The following CAST variants were observed in gnomAD, a reference collection of about 807,000 sequenced individuals.
The protein encoded by CAST is MIR583 host.
In CAST, 76 loss-of-function variants were observed where a neutral mutation model predicts 119.6. The observed-to-expected ratio is 0.64, with a 90% CI of 0.53 to 0.77. CAST has a LOEUF of 0.77. Among genes scored for constraint, CAST ranks in the 30% least tolerant of loss-of-function variants. The pLI is 0.00. For missense variants in CAST, 953 were observed against 946.5 expected, an observed-to-expected ratio of 1.01 and a Z score of -0.09; for synonymous variants, 319 against 331.6, an observed-to-expected ratio of 0.96 and a Z score of 0.41.
At chr5:96,217,347 A>C in the CAST span, among the ~76,000 whole-genome samples, 1 of 148,492 alleles carries the variant, frequency 6.7e-6, no homozygotes, top group South Asian at 2.2e-4. Flanking sequence ...GGCCAAATTA[A>C]ATTTTTTTTT....
chr5:96,120,945 T>C, the CAST span, among the ~76,000 whole-genome samples: 3 of 152,054 alleles, frequency 2.0e-5, no homozygotes, highest in African/African-American at 7.2e-5. Context: ...ATATCAAAGG[T>C]GATATTCACT....
chr5:96,634,673 G>A (rs1015042167), intron 1 of CAST, among the ~76,000 whole-genome samples: 2 of 152,182 alleles, frequency 1.3e-5, no homozygotes, highest in African/African-American at 4.8e-5. Context: ...ATGAGATAAT[G>A]TTGTGCCCAA....
chr5:96,325,408 TTC>T, the CAST span, among the ~76,000 whole-genome samples: 152 of 151,574 alleles, frequency 1.0e-3, no homozygotes, highest in African/African-American at 3.5e-3. Flanking sequence ...TTTTCTTTCT[TTC>T]TCTCTTTCTT....
chr5:96,599,219 T>C (rs2607161), intron 1 of CAST, among the ~76,000 whole-genome samples: 63,451 of 151,628 alleles, frequency 0.42, 13,590 homozygotes, highest in Admixed American at 0.48. Context: ...AAAACACAAT[T>C]TGACTAAGGC....
At chr5:96,637,499 T>G (rs1747901282) in intron 1 of CAST, among the ~76,000 whole-genome samples, 1 of 152,164 alleles carries the variant, frequency 6.6e-6, no homozygotes, top group Non-Finnish European at 1.5e-5. Context: ...GCAAATAACT[T>G]CCTATGGTGA....
the CAST span, among the ~76,000 whole-genome samples, chr5:96,326,375 T>C: frequency 6.6e-6 from 1 of 152,218 alleles, no homozygotes; most frequent in African/African-American, 2.4e-5. Flanking sequence ...TTAGCGATGT[T>C]GAACTATTCA....
the CAST span, among the ~76,000 whole-genome samples, chr5:96,330,531 C>G: frequency 1.3e-5 from 2 of 152,184 alleles, no homozygotes; most frequent in Non-Finnish European, 2.9e-5. Flanking sequence ...CTTCTTCTCA[C>G]CCCTTTTTCC....
the CAST span, among the ~76,000 whole-genome samples, chr5:96,011,486 G>A: frequency 2.0e-5 from 3 of 152,298 alleles, no homozygotes; most frequent in African/African-American, 7.2e-5. Context: ...GAAAGATTTA[G>A]TTGTTTTAGT....
chr5:96,430,163 G>A, the CAST span, among the ~76,000 whole-genome samples: 2 of 152,174 alleles, frequency 1.3e-5, no homozygotes, highest in Non-Finnish European at 2.9e-5. Flanking sequence ...ATTTAGGGCA[G>A]TTGTCCCACT....
intron 3 of CAST, among the ~76,000 whole-genome samples, chr5:96,700,269 C>T (rs1753726525): frequency 6.6e-6 from 1 of 152,286 alleles, no homozygotes; most frequent in East Asian, 1.9e-4. Flanking sequence ...AGTAAACTAG[C>T]ACATCAACTC....
At chr5:96,498,180 G>A in the CAST span, among the ~76,000 whole-genome samples, 388 of 151,984 alleles carry the variant, frequency 2.6e-3, 2 homozygotes, top group African/African-American at 8.2e-3. Flanking sequence ...GTAGATATGC[G>A]GCATTATTTC....
At chr5:96,022,576 A>G in the CAST span, among the ~76,000 whole-genome samples, 2 of 152,316 alleles carry the variant, frequency 1.3e-5, no homozygotes, top group African/African-American at 2.4e-5. Context: ...AGGCTGGTCT[A>G]TTCATGACTC....
At chr5:95,961,473 A>G in the CAST span, 1 of 1,312,530 alleles carries the variant, frequency 7.6e-7, no homozygotes, top group Non-Finnish European at 9.8e-7. Context: ...TGACGGTAGC[A>G]GCTGCCAGCC....
chr5:96,466,561 G>A, the CAST span, among the ~76,000 whole-genome samples: 27,442 of 146,398 alleles, frequency 0.19, 2,735 homozygotes, highest in Middle Eastern at 0.27. Flanking sequence ...GTTGTTTTTT[G>A]TGTTTGTGTG....
chr5:96,034,462 T>TACACACACACACACACACACACACAC, the CAST span, among the ~76,000 whole-genome samples: 3 of 101,816 alleles, frequency 2.9e-5, no homozygotes, highest in Admixed American at 3.0e-4. Flanking sequence ...GTATATATCA[T>TACACACACACACACACACACACACAC]ACACACACAC....
At chr5:96,626,552 T>A (rs1747727598) in intron 1 of CAST, among the ~76,000 whole-genome samples, 2 of 152,242 alleles carry the variant, frequency 1.3e-5, no homozygotes, top group South Asian at 4.2e-4. Context: ...GTTTCCTGAT[T>A]CCTCTGATGA....
At chr5:96,184,634 C>A in the CAST span, among the ~76,000 whole-genome samples, 1 of 150,886 alleles carries the variant, frequency 6.6e-6, no homozygotes, top group South Asian at 2.1e-4. Flanking sequence ...TGTTAGTTTG[C>A]TGAGGGTAAT....
At chr5:96,275,265 A>T in the CAST span, among the ~76,000 whole-genome samples, 2 of 152,362 alleles carry the variant, frequency 1.3e-5, no homozygotes, top group African/African-American at 4.8e-5. Context: ...AATTTTCTTT[A>T]AAGTTTCATT....
At chr5:96,007,092 G>A in the CAST span, among the ~76,000 whole-genome samples, 1 of 152,126 alleles carries the variant, frequency 6.6e-6, no homozygotes, top group Non-Finnish European at 1.5e-5. Flanking sequence ...ATTTTAAAAG[G>A]TGGTTTTAAG....
Sources: gnomAD v4.1 joint callset for allele counts (sites outside exome capture counted in the v4.1 genomes callset) on GRCh38, gnomAD v4.1.1 for gene constraint, MANE v1.5 for transcripts, NCBI Gene and HGNC (gene_info 2026-07-23, HGNC 2026-07-21) for gene names.